MAGI2: variants seen among roughly 807,000 people sequenced by gnomAD.
MAGI2 encodes membrane associated guanylate kinase, WW and PDZ domain containing 2, also known as membrane-associated guanylate kinase, WW and PDZ domain-containing protein 2.
A neutral mutation model predicts 133.3 loss-of-function variants in MAGI2; 35 were observed. The observed-to-expected ratio is 0.26, with a 90% CI of 0.20 to 0.35. MAGI2 has a LOEUF of 0.35. Ranked by LOEUF, MAGI2 falls within the 10% of genes least tolerant of loss-of-function variation. MAGI2 has a pLI of 1.00. For synonymous variants in MAGI2, 729 were observed against 710.6 expected (o/e 1.03, Z -0.41); for missense variants, 1,636 against 1,863.4 (o/e 0.88, Z 2.25).
chr7:78,693,106 G>C (rs1765550713), intron 2 of MAGI2, among the ~76,000 whole-genome samples: 1 of 152,138 alleles, frequency 6.6e-6, no homozygotes, highest in African/African-American at 2.4e-5. Context: ...CGCCTCTAGA[G>C]ACCTAGAAAG....
chr7:78,276,668 T>G (rs1795091734), intron 9 of MAGI2, among the ~76,000 whole-genome samples: 1 of 152,172 alleles, frequency 6.6e-6, no homozygotes, highest in South Asian at 2.1e-4. Flanking sequence ...AAAAGATAAT[T>G]GCAGTTATGA....
chr7:79,055,648 G>T (rs1813087635), intron 1 of MAGI2, among the ~76,000 whole-genome samples: 1 of 151,992 alleles, frequency 6.6e-6, no homozygotes, highest in Non-Finnish European at 1.5e-5. Context: ...ATTCTAGCCA[G>T]ATGGCTATGT....
At chr7:78,939,565 A>G (rs1451122789) in intron 2 of MAGI2, among the ~76,000 whole-genome samples, 2 of 152,162 alleles carry the variant, frequency 1.3e-5, no homozygotes, top group East Asian at 1.9e-4. Context: ...AGCCTCAGGC[A>G]TTTGTTCTTA....
intron 2 of MAGI2, among the ~76,000 whole-genome samples, chr7:78,724,381 G>A (rs1446081027): frequency 6.6e-6 from 1 of 152,176 alleles, no homozygotes; most frequent in Non-Finnish European, 1.5e-5. Flanking sequence ...AGATGAAAGT[G>A]CAAGGGATTT....
At chr7:78,712,047 G>A (rs1228225718) in intron 2 of MAGI2, among the ~76,000 whole-genome samples, 1 of 152,100 alleles carries the variant, frequency 6.6e-6, no homozygotes, top group East Asian at 1.9e-4. Flanking sequence ...GTCAACTCTA[G>A]GTTAAAAGGA....
intron 21 of MAGI2, among the ~76,000 whole-genome samples, chr7:78,064,328 T>TTGTGTGTG (rs3840609): frequency 0.039 from 5,774 of 148,538 alleles, 200 homozygotes; most frequent in African/African-American, 0.099. Flanking sequence ...TGTGATGGTT[T>TTGTGTGTG]TGTGTGTGTG....
intron 2 of MAGI2, among the ~76,000 whole-genome samples, chr7:78,842,578 A>T (rs1792236589): frequency 1.3e-5 from 2 of 152,058 alleles, no homozygotes; most frequent in Non-Finnish European, 2.9e-5. Context: ...CCTTGAAGAT[A>T]TAGCCATGTT....
chr7:78,595,914 A>C (rs901839103), intron 3 of MAGI2, among the ~76,000 whole-genome samples: 25 of 152,172 alleles, frequency 1.6e-4, no homozygotes, highest in Non-Finnish European at 1.5e-5. Context: ...AGGAAGTATA[A>C]CACCAGAATG....
chr7:79,187,883 T>G lies in MAGI2; in HGVS notation c.302-180677A>C, dbSNP rs1355663840. ...ATTGAGATACAGGAGACCTAAATTT[T>G]TAGAAAACATAAAGTTATGCAAAAA... On this transcript the variant is annotated intron_variant, in intron 1 of 21. Coordinates refer to ENST00000354212, the MANE Select transcript of MAGI2 (RefSeq NM_012301.4). Among the ~76,000 whole-genome samples, 3 of 151,812 alleles carry G rather than the reference T, an allele frequency of 2.0e-5. No individual in the cohort carries two copies. The East Asian group carries it at 5.8e-4, about 29-fold the overall frequency.
At chr7:78,903,355 G>A (rs1212455073) in intron 2 of MAGI2, among the ~76,000 whole-genome samples, 2 of 151,622 alleles carry the variant, frequency 1.3e-5, no homozygotes, top group African/African-American at 4.8e-5. Flanking sequence ...TACCACGCCC[G>A]GCTAATTTTT....
intron 21 of MAGI2, among the ~76,000 whole-genome samples, chr7:78,062,095 G>T (rs577535826): frequency 1.3e-5 from 2 of 152,184 alleles, no homozygotes; most frequent in Non-Finnish European, 2.9e-5. Context: ...CAAGCACCCC[G>T]TTTTCCTTAA....
chr7:79,426,801 T>C (rs902577079), intron 1 of MAGI2, among the ~76,000 whole-genome samples: 1 of 152,176 alleles, frequency 6.6e-6, no homozygotes, highest in Middle Eastern at 3.2e-3. Flanking sequence ...ATGAGTGATA[T>C]CTTGAGCTGC....
chr7:78,829,868 A>G (rs6963651), intron 2 of MAGI2, among the ~76,000 whole-genome samples: 14,148 of 152,120 alleles, frequency 0.093, 1,031 homozygotes, highest in African/African-American at 0.2. Context: ...TAACTGGGCT[A>G]TGTCTCTAAT....
chr7:78,424,266 C>T (rs754143667), intron 6 of MAGI2, among the ~76,000 whole-genome samples: 5 of 152,146 alleles, frequency 3.3e-5, no homozygotes, highest in Admixed American at 1.3e-4. Flanking sequence ...AAACCTTGGC[C>T]GCTTCCATGT....
intron 9 of MAGI2, among the ~76,000 whole-genome samples, chr7:78,331,455 T>C (rs1338888818): frequency 6.6e-6 from 1 of 152,238 alleles, no homozygotes; most frequent in Admixed American, 6.5e-5. Flanking sequence ...CTTTGGTTCA[T>C]TGATAAAGCA....
chr7:78,909,960 A>G (rs748255233), intron 2 of MAGI2, among the ~76,000 whole-genome samples: 9 of 152,226 alleles, frequency 5.9e-5, no homozygotes, highest in Non-Finnish European at 1.2e-4. Context: ...CAGCCATGAA[A>G]AGGAATGAGA....
intron 21 of MAGI2, among the ~76,000 whole-genome samples, chr7:78,070,588 ATATATGTG>A (rs1814552094): frequency 1.8e-5 from 2 of 111,016 alleles, no homozygotes; most frequent in African/African-American, 3.0e-5. Flanking sequence ...ATATGTGTAT[ATATATGTG>A]TATATATGTG....
intron 1 of MAGI2, among the ~76,000 whole-genome samples, chr7:79,186,191 AATATATATATATATATATAT>A (rs60719172): frequency 0.025 from 2,762 of 111,724 alleles, 62 homozygotes; most frequent in South Asian, 0.037. Context: ...TGCCTGGGAA[AATATATATATATATATATAT>A]ATATATATAT....
At chr7:79,314,267 C>T (rs1439007742) in intron 1 of MAGI2, among the ~76,000 whole-genome samples, 1 of 152,144 alleles carries the variant, frequency 6.6e-6, no homozygotes, top group East Asian at 1.9e-4. Context: ...AGCCACCCTT[C>T]TTGGCCTTAT....
Sources: gnomAD v4.1 joint callset for allele counts (sites outside exome capture counted in the v4.1 genomes callset) on GRCh38, gnomAD v4.1.1 for gene constraint, MANE v1.5 for transcripts, NCBI Gene and HGNC (gene_info 2026-07-23, HGNC 2026-07-21) for gene names.